The following MGAT5B variants were observed in gnomAD, a reference collection of about 807,000 sequenced individuals.
MGAT5B encodes the protein N-acetylglucosaminyl-transferase Vb.
MGAT5B carries 54 observed loss-of-function variants against 95.1 expected under a neutral mutation model. The ratio of observed to expected loss-of-function variants is 0.57; its 90% confidence interval spans 0.46 to 0.71. The LOEUF is 0.71. Among genes scored for constraint, MGAT5B ranks in the 30% least tolerant of loss-of-function variants. MGAT5B has a pLI of 0.00. For synonymous variants in MGAT5B, 464 were observed against 451.0 expected (o/e 1.03, Z -0.36); for missense variants, 935 against 1,088.6 (o/e 0.86, Z 1.99).
rs1271091045 is a variant in MGAT5B at position 76,930,488 on chromosome 17, CT to C, written c.1292-2155del. Among the ~76,000 whole-genome samples, 4 of 152,158 alleles carry C rather than the reference CT, an allele frequency of 2.6e-5. No homozygotes were observed. Among genetic ancestry groups the C allele is most frequent in the Admixed American group, 2.6e-4 (4 of 15,274 alleles). ...CCAGCCTCCTCACTCACCATAGCCC[CT>C]TCCGTGCGGGAAGGTAGATTAAATA... On this transcript the variant is annotated intron_variant, in intron 10 of 17. Transcript: ENST00000569840. This position sits in a 1 kb window ranked among gnomAD's most constrained non-coding sequence, Gnocchi z 4.1.
At chr17:76,897,299 G>A (rs1201493557) in intron 3 of MGAT5B, among the ~76,000 whole-genome samples, 8 of 152,084 alleles carry the variant, frequency 5.3e-5, no homozygotes, top group African/African-American at 7.2e-5. Context: ...TAGAGTTGCC[G>A]TAAAAAATGA....
intron 2 of MGAT5B, among the ~76,000 whole-genome samples, chr17:76,880,219 G>C (rs942930948): frequency 5.3e-5 from 8 of 152,044 alleles, no homozygotes; most frequent in Non-Finnish European, 8.8e-5. Flanking sequence ...ATTCATGCCT[G>C]TTCTTCAGAG....
chr17:76,925,468 C>T (rs8069237), intron 9 of MGAT5B, among the ~76,000 whole-genome samples: 148,897 of 148,908 alleles, frequency 1, 74,443 homozygotes, highest in Middle Eastern at 1. Flanking sequence ...GTGGGGAGAG[C>T]AGCTCAGCAC....
intron 8 of MGAT5B, among the ~76,000 whole-genome samples, chr17:76,924,684 A>G (rs535119884): frequency 1.1e-3 from 171 of 152,310 alleles, no homozygotes; most frequent in Admixed American, 2.2e-3. Context: ...GCGGGAGCAC[A>G]TTTGTGTCGA....
chr17:76,931,448 G>A (rs969029015), intron 10 of MGAT5B, among the ~76,000 whole-genome samples: 5 of 152,192 alleles, frequency 3.3e-5, no homozygotes, highest in Admixed American at 2.6e-4. Flanking sequence ...ATGTCTGGTC[G>A]GTAAGTGCTG....
intron 3 of MGAT5B, among the ~76,000 whole-genome samples, chr17:76,896,013 C>A (rs2145168520): frequency 6.6e-6 from 1 of 152,298 alleles, no homozygotes; most frequent in South Asian, 2.1e-4. Flanking sequence ...TGCTGCCTAC[C>A]CCACGGTGAC....
At chr17:76,932,225 T>C (rs986889914) in intron 10 of MGAT5B, among the ~76,000 whole-genome samples, 9 of 151,786 alleles carry the variant, frequency 5.9e-5, no homozygotes, top group African/African-American at 2.2e-4. Flanking sequence ...CTTGAACTAG[T>C]GGGCTCAAGC....
intron 3 of MGAT5B, among the ~76,000 whole-genome samples, chr17:76,897,591 T>C (rs1354111693): frequency 6.6e-6 from 1 of 152,098 alleles, no homozygotes; most frequent in African/African-American, 2.4e-5. Context: ...GGACTTAGGG[T>C]CAGCCTGATC....
At chr17:76,933,253 C>G in intron 11 of MGAT5B, 39 bp from the exon 12 acceptor site, 2 of 1,598,244 alleles carry the variant, frequency 1.3e-6, no homozygotes, top group Non-Finnish European at 1.7e-6. Context: ...CCTGCTGTCT[C>G]TCTCTCTGTT....
In MGAT5B at chr17:76,915,261, A is replaced by G. The variant is rs1437792005; in HGVS notation, c.1025+9074A>G. 3.5e-5 allele frequency among the ~76,000 whole-genome samples: 5 copies of G among 143,088 alleles called. No individual in the cohort carries two copies. The highest frequency in any genetic ancestry group is 2.3e-4 in the South Asian group (1 of 4,256). 93.9% of individuals were successfully genotyped at this position (143,088 alleles called of 152,430 possible). A position where few individuals can be genotyped will look rare whatever the true frequency, so the allele number is the denominator to read the frequency against. On this transcript the variant is annotated intron_variant, in intron 8 of 17. Transcript: ENST00000569840. The surrounding 1 kb of genome is among the most constrained non-coding windows in gnomAD (Gnocchi z 8.7). ...AGGGGAGGGTCCCAGGAGGAGGGAC[A>G]GGGACAGCTCTTCTGCCCTGAGAGG...
intron 8 of MGAT5B, among the ~76,000 whole-genome samples, chr17:76,907,551 T>C (rs1296339952): frequency 6.6e-6 from 1 of 152,218 alleles, no homozygotes; most frequent in Admixed American, 6.5e-5. Context: ...ATTTCATTCA[T>C]TTTCACTGCT....
At chr17:76,903,091 C>G (rs58184124) in intron 4 of MGAT5B, among the ~76,000 whole-genome samples, 1 of 152,134 alleles carries the variant, frequency 6.6e-6, no homozygotes, top group South Asian at 2.1e-4. Flanking sequence ...AGTGGCTGTT[C>G]GCACCAGCTC....
rs974321275 is a variant in MGAT5B at position 76,915,371 on chromosome 17, C to CT, written c.1025+9185dup. On this transcript the variant is annotated intron_variant, in intron 8 of 17. Transcript: ENST00000569840. The surrounding 1 kb of genome is among the most constrained non-coding windows in gnomAD (Gnocchi z 8.7). ...GGGGCCGGGGATCGGGCACTCCTCT[C>CT]TGACGGTTTCTATTTTATCTTCGAT... Among the ~76,000 whole-genome samples the CT allele has an allele frequency of 1.3e-5, 2 of 152,122 alleles. No individual in the cohort carries two copies. The highest frequency in any genetic ancestry group is 4.8e-5 in the African/African-American group (2 of 41,418).
intron 3 of MGAT5B, among the ~76,000 whole-genome samples, chr17:76,885,321 T>C (rs1967585655): frequency 6.6e-6 from 1 of 152,218 alleles, no homozygotes; most frequent in Non-Finnish European, 1.5e-5. Flanking sequence ...CATTCTTTTC[T>C]GCTTTCCTGT....
intron 3 of MGAT5B, among the ~76,000 whole-genome samples, chr17:76,900,644 G>C (rs1424912399): frequency 6.6e-6 from 1 of 152,230 alleles, no homozygotes; most frequent in African/African-American, 2.4e-5. Context: ...TAAAGGCGCC[G>C]GCCCTGCTGC....
intron 2 of MGAT5B, 68 bp from the exon 3 acceptor site, chr17:76,882,083 A>T (rs1967441368): frequency 6.6e-7 from 1 of 1,522,766 alleles, no homozygotes; most frequent in Non-Finnish European, 8.9e-7. Context: ...GAGCTGCCCC[A>T]GCTCGGACAC....
rs1160448552 is a variant in MGAT5B at position 76,889,250 on chromosome 17, C to A, written c.329+6952C>A. Among the ~76,000 whole-genome samples, 1 of 152,142 alleles carries A rather than the reference C, an allele frequency of 6.6e-6. No homozygotes were observed. The highest frequency in any genetic ancestry group is 2.4e-5 in the African/African-American group (1 of 41,416). ...GAAAGCCACTATATCTGCCAGACAT[C>A]CTGGGACCTTGGGACCCAGGCAGGC... is the stretch of plus-strand genomic sequence containing the variant. On this transcript the variant is annotated intron_variant, in intron 3 of 17. Transcript: ENST00000569840. The surrounding 1 kb of genome is among the most constrained non-coding windows in gnomAD (Gnocchi z 4.4).
intron 8 of MGAT5B, among the ~76,000 whole-genome samples, chr17:76,910,889 C>T (rs1365852305): frequency 6.6e-6 from 1 of 152,220 alleles, no homozygotes; most frequent in Non-Finnish European, 1.5e-5. Flanking sequence ...TCAGCTACCT[C>T]AGGGGATCTT....
rs757284179 is a variant in MGAT5B at position 76,900,937 on chromosome 17, TTG to T, written c.330-1611_330-1610del. ...CGTGTGTACATGTGTGCGTGCGTGTTTGTGTGTGAGTGTGTGCGTGTGCACGC... is the reference window on the plus strand; with the variant it reads ...CGTGTGTACATGTGTGCGTGCGTGTTTGTGTGAGTGTGTGCGTGTGCACGC... On this transcript the variant is annotated intron_variant, in intron 3 of 17. Coordinates refer to ENST00000569840, the MANE Select transcript of MGAT5B (RefSeq NM_001199172.2). Among the ~76,000 whole-genome samples the T allele has an allele frequency of 1.4e-4, 14 of 98,636 alleles. No homozygotes were observed. In the South Asian group the frequency reaches 2.4e-3, roughly 17 times the overall value. The allele number at this position is 98,636 out of a possible 152,430, so 64.7% of individuals were successfully genotyped here.
Sources: allele counts gnomAD v4.1 joint callset (sites outside exome capture counted in the v4.1 genomes callset), GRCh38; gene constraint gnomAD v4.1.1; non-coding constraint Gnocchi (gnomAD v3.1); transcripts MANE v1.5; gene names NCBI Gene and HGNC (gene_info 2026-07-23, HGNC 2026-07-21).